The following RCAN2 variants were observed in gnomAD, a reference collection of about 807,000 sequenced individuals.
The protein encoded by RCAN2 is calcipressin-2.
A neutral mutation model predicts 23.6 loss-of-function variants in RCAN2; 9 were observed. The ratio of observed to expected loss-of-function variants is 0.38; its 90% CI spans 0.23 to 0.67. The LOEUF is 0.67. Ranked by LOEUF, RCAN2 falls within the 30% of genes least tolerant of loss-of-function variation. The probability of loss-of-function intolerance (pLI) is 0.51; values close to 1 mark genes in which losing one functional copy is unlikely to be tolerated. For missense variants in RCAN2, 273 were observed against 302.3 expected (o/e 0.90, Z 0.72); for synonymous variants, 109 against 115.7 (o/e 0.94, Z 0.37).
intron 2 of RCAN2, among the ~76,000 whole-genome samples, chr6:46,268,421 T>G (rs1047322895): frequency 6.6e-6 from 1 of 152,118 alleles, no homozygotes; most frequent in African/African-American, 2.4e-5. Context: ...TGGATCGGGT[T>G]TTTCACCTGC....
chr6:46,264,555 C>A (rs139433180), intron 2 of RCAN2, among the ~76,000 whole-genome samples: 1 of 152,040 alleles, frequency 6.6e-6, no homozygotes, highest in African/African-American at 2.4e-5. Context: ...AATGATGAAA[C>A]CTTATATAAA....
intron 3 of RCAN2, among the ~76,000 whole-genome samples, chr6:46,247,667 G>A (rs919092870): frequency 2.0e-5 from 3 of 152,146 alleles, no homozygotes; most frequent in Admixed American, 1.3e-4. Flanking sequence ...CTACATTGTA[G>A]CATTTATCAG....
At chr6:46,255,900 A>G (rs941125332) in intron 2 of RCAN2, among the ~76,000 whole-genome samples, 1 of 152,214 alleles carries the variant, frequency 6.6e-6, no homozygotes, top group African/African-American at 2.4e-5. Flanking sequence ...TGGGCTTCAG[A>G]GGTAGGGAAC....
rs550644698 is a variant in RCAN2, at chr6:46,478,777, G to A, written c.-3+12396C>T. 1.1e-4 allele frequency among the ~76,000 whole-genome samples: 16 copies of A among 152,268 alleles called. No homozygotes were observed. In the South Asian group the frequency reaches 3.3e-3, roughly 32 times the overall value. ...AAAAGTAACTAATGTAGTCATTTTG[G>A]ACAGACTGAGAGATCTTTTAAGCCA... is the stretch of plus-strand genomic sequence containing the variant. On this transcript the variant is annotated intron_variant, in intron 1 of 4. Transcript: ENST00000371374.
intron 1 of RCAN2, among the ~76,000 whole-genome samples, chr6:46,466,717 C>T (rs1768396932): frequency 6.6e-6 from 1 of 152,162 alleles, no homozygotes; most frequent in Non-Finnish European, 1.5e-5. Context: ...CACAAGATGA[C>T]AGACTTCCTA....
chr6:46,243,133 C>G (rs1766365451), intron 4 of RCAN2, among the ~76,000 whole-genome samples: 2 of 152,134 alleles, frequency 1.3e-5, no homozygotes, highest in African/African-American at 4.8e-5. Context: ...GGGGAGGATG[C>G]CATGGGGAGG....
chr6:46,263,713 A>C (rs9472729), intron 2 of RCAN2, among the ~76,000 whole-genome samples: 5,520 of 136,266 alleles, frequency 0.041, 355 homozygotes, highest in African/African-American at 0.14. Flanking sequence ...AAATATTTAC[A>C]TTAATATGAT....
At chr6:46,462,086 T>C (rs1768234190) in intron 1 of RCAN2, among the ~76,000 whole-genome samples, 1 of 152,216 alleles carries the variant, frequency 6.6e-6, no homozygotes, top group South Asian at 2.1e-4. Context: ...CTTCTACTGT[T>C]AAGTGTGTAA....
chr6:46,272,944 C>A (rs180733153), intron 2 of RCAN2, among the ~76,000 whole-genome samples: 1 of 152,152 alleles, frequency 6.6e-6, no homozygotes, highest in African/African-American at 2.4e-5. Context: ...GTATCTAAGC[C>A]CCTCTAAGCG....
Position 46,423,964 on chromosome 6 carries a change from C to T in RCAN2, c.225+32788G>A, listed in dbSNP as rs1413850818. On this transcript the variant is annotated intron_variant, in intron 2 of 4. Transcript: ENST00000371374. ...GCTAAAGCACAAAAGGGTTAGGTAA[C>T]TAACCCAAGAACACGCAGCCAATAA... Among the ~76,000 whole-genome samples, 6 of 152,280 alleles carry T rather than the reference C, an allele frequency of 3.9e-5. No individual in the cohort carries two copies. In the East Asian group the frequency reaches 9.7e-4, roughly 25 times the overall value.
intron 2 of RCAN2, among the ~76,000 whole-genome samples, chr6:46,430,217 G>A (rs1767152356): frequency 1.3e-5 from 2 of 152,218 alleles, no homozygotes; most frequent in South Asian, 4.1e-4. Context: ...GATGCCTGAA[G>A]CTTGGAGCAG....
At chr6:46,294,982 T>G (rs1937729582) in intron 2 of RCAN2, among the ~76,000 whole-genome samples, 1 of 152,112 alleles carries the variant, frequency 6.6e-6, no homozygotes, top group South Asian at 2.1e-4. Flanking sequence ...GCAGCTGCAG[T>G]AATCAAAAGA....
intron 2 of RCAN2, among the ~76,000 whole-genome samples, chr6:46,416,147 ATATGAAT>A (rs1766710363): frequency 6.6e-6 from 1 of 152,102 alleles, no homozygotes; most frequent in Non-Finnish European, 1.5e-5. Context: ...GGATAACTGT[ATATGAAT>A]TATCTCTCAA....
intron 2 of RCAN2, among the ~76,000 whole-genome samples, chr6:46,274,599 T>C (rs1217461698): frequency 6.6e-6 from 1 of 152,126 alleles, no homozygotes; most frequent in Non-Finnish European, 1.5e-5. Flanking sequence ...CCAAGTGAGT[T>C]GAGAAATCTG....
At chr6:46,246,299 T>G (rs138147797) in intron 4 of RCAN2, among the ~76,000 whole-genome samples, 94 of 152,280 alleles carry the variant, frequency 6.2e-4, no homozygotes, top group African/African-American at 2.2e-3. Flanking sequence ...GAGGTTCACT[T>G]TGGCAGGCAG....
At chr6:46,406,127 G>T (rs1042131362) in intron 2 of RCAN2, among the ~76,000 whole-genome samples, 1 of 152,024 alleles carries the variant, frequency 6.6e-6, no homozygotes, top group Non-Finnish European at 1.5e-5. Context: ...GCGCAGCCCC[G>T]GTTCCTGCTC....
At chr6:46,437,221 G>A (rs1767399626) in intron 2 of RCAN2, among the ~76,000 whole-genome samples, 1 of 152,058 alleles carries the variant, frequency 6.6e-6, no homozygotes, top group South Asian at 2.1e-4. Flanking sequence ...TCCATTTCTG[G>A]GCTTGCTCAA....
At chr6:46,341,537 G>A (rs1400382166) in intron 2 of RCAN2, among the ~76,000 whole-genome samples, 1 of 152,226 alleles carries the variant, frequency 6.6e-6, no homozygotes, top group South Asian at 2.1e-4. Flanking sequence ...GGTGGCTCCT[G>A]CCTGTAATCC....
At chr6:46,387,696 G>A (rs1310719819) in intron 2 of RCAN2, among the ~76,000 whole-genome samples, 1 of 152,150 alleles carries the variant, frequency 6.6e-6, no homozygotes, top group Admixed American at 6.5e-5. Context: ...ACAGTGTGGC[G>A]ATTCCTCAAG....
Sources: gnomAD v4.1 joint callset for allele counts (sites outside exome capture counted in the v4.1 genomes callset) on GRCh38, gnomAD v4.1.1 for gene constraint, MANE v1.5 for transcripts, NCBI Gene and HGNC (gene_info 2026-07-23, HGNC 2026-07-21) for gene names.